The following RGS5 variants were observed in gnomAD, a reference collection of about 807,000 sequenced individuals.
The protein encoded by RGS5 is regulator of G-protein signalling 5.
A neutral mutation model predicts 18.9 loss-of-function variants in RGS5; 20 were observed. The ratio of observed to expected loss-of-function variants is 1.06; its 90% confidence interval spans 0.74 to 1.54. The LOEUF (loss-of-function observed/expected upper bound fraction) is 1.54, where lower values mean the gene tolerates loss of function less well. Ranked by LOEUF, RGS5 falls within the 40% of genes most tolerant of loss-of-function variation. The pLI, the probability that RGS5 is intolerant of heterozygous loss-of-function variation, is 0.00. For synonymous variants in RGS5, 57 were observed against 76.2 expected (o/e 0.75, Z 1.31); for missense variants, 201 against 211.8 (o/e 0.95, Z 0.32).
chr1:163,186,501 C>G (rs1659085680), intron 1 of RGS5, among the ~76,000 whole-genome samples: 1 of 147,804 alleles, frequency 6.8e-6, no homozygotes, highest in Non-Finnish European at 1.5e-5. Flanking sequence ...ATGGCGTGAA[C>G]CTGGGAGGCA....
intron 1 of RGS5, among the ~76,000 whole-genome samples, chr1:163,320,118 C>G (rs1409525250): frequency 6.6e-6 from 1 of 151,940 alleles, no homozygotes; most frequent in African/African-American, 2.4e-5. Context: ...CTTCCTTTGC[C>G]TCATTTTTCT....
At chr1:163,320,222 C>T (rs1650151538) in intron 1 of RGS5, among the ~76,000 whole-genome samples, 1 of 152,144 alleles carries the variant, frequency 6.6e-6, no homozygotes, top group African/African-American at 2.4e-5. Flanking sequence ...TTGTTGAGCA[C>T]TTGCCACTTG....
intron 2 of RGS5, among the ~76,000 whole-genome samples, chr1:163,288,857 C>T (rs1423301795): frequency 2.6e-5 from 4 of 152,084 alleles, no homozygotes; most frequent in Non-Finnish European, 4.4e-5. Flanking sequence ...TATTTTGCTC[C>T]AATACTTAGG....
At chr1:163,192,329 T>C (rs748278795) in intron 1 of RGS5, among the ~76,000 whole-genome samples, 3 of 152,080 alleles carry the variant, frequency 2.0e-5, no homozygotes, top group Non-Finnish European at 4.4e-5. Context: ...AATTGAATTG[T>C]AGAACACACC....
chr1:163,276,549 T>C (rs1648861313), intron 2 of RGS5, among the ~76,000 whole-genome samples: 1 of 152,204 alleles, frequency 6.6e-6, no homozygotes, highest in Admixed American at 6.5e-5. Context: ...TAAAGATAAG[T>C]CAATTTTGTA....
intron 2 of RGS5, among the ~76,000 whole-genome samples, chr1:163,260,902 T>A (rs933855454): frequency 6.6e-6 from 1 of 152,224 alleles, no homozygotes; most frequent in Non-Finnish European, 1.5e-5. Context: ...TCTACAAGTA[T>A]CTGTTTAAAT....
At chr1:163,152,393 T>C in intron 4 of RGS5, 157 bp downstream of exon 4, 2 of 670,726 alleles carry the variant, frequency 3.0e-6, no homozygotes, top group Non-Finnish European at 2.4e-6. Flanking sequence ...CTTGACCATG[T>C]TGCTCTGCCT....
At chr1:163,172,495 C>A in intron 1 of RGS5, 4 of 1,519,296 alleles carry the variant, frequency 2.6e-6, no homozygotes, top group Non-Finnish European at 2.7e-6. Flanking sequence ...TAGAAATCAA[C>A]TATCATTTAT....
intron 1 of RGS5, among the ~76,000 whole-genome samples, chr1:163,179,233 C>T (rs1658700505): frequency 2.0e-5 from 3 of 152,196 alleles, no homozygotes; most frequent in Admixed American, 6.5e-5. Flanking sequence ...AGGCAAACTG[C>T]CCCGATTCAT....
intron 1 of RGS5, among the ~76,000 whole-genome samples, chr1:163,215,376 T>A (rs756061454): frequency 2.2e-4 from 33 of 152,196 alleles, no homozygotes; most frequent in Non-Finnish European, 4.4e-4. Context: ...ACTTCATCTA[T>A]AAGATATAGT....
chr1:163,303,518 A>G (rs906130021), intron 2 of RGS5, among the ~76,000 whole-genome samples: 2 of 152,248 alleles, frequency 1.3e-5, no homozygotes, highest in Non-Finnish European at 2.9e-5. Context: ...TTAAAAATAC[A>G]AAGTAGAATC....
intron 2 of RGS5, among the ~76,000 whole-genome samples, chr1:163,167,963 G>A (rs954997179): frequency 2.0e-5 from 3 of 152,100 alleles, no homozygotes; most frequent in Admixed American, 1.3e-4. Context: ...GTAGTGGCTG[G>A]TATCATTTTA....
intron 2 of RGS5, among the ~76,000 whole-genome samples, chr1:163,251,795 C>T (rs1057057721): frequency 4.6e-5 from 7 of 152,140 alleles, no homozygotes; most frequent in Non-Finnish European, 8.8e-5. Flanking sequence ...GATTGACTTA[C>T]TTTCACTCAG....
chr1:163,276,475 G>A lies in RGS5; in HGVS notation c.-281+29758C>T, dbSNP rs141348216. On this transcript the variant is annotated intron_variant, in intron 2 of 5. Transcript: ENST00000618415. ...TTTTTTCATAACGATGCTTACGTTC[G>A]TATATCTAATTGCTATAAGTCTGTA... 5.2e-3 allele frequency among the ~76,000 whole-genome samples: 792 copies of A among 152,182 alleles called. 10 individuals carry two copies. Among genetic ancestry groups the A allele is most frequent in the African/African-American group, 0.018 (731 of 41,510 alleles).
intron 2 of RGS5, among the ~76,000 whole-genome samples, chr1:163,240,285 AAAAAG>A (rs1647754080): frequency 6.6e-6 from 1 of 152,190 alleles, no homozygotes; most frequent in Non-Finnish European, 1.5e-5. Flanking sequence ...AGCAGTTAAA[AAAAAG>A]AATAGACTAA....
chr1:163,291,109 A>G (rs1264226509), intron 2 of RGS5, among the ~76,000 whole-genome samples: 1 of 149,840 alleles, frequency 6.7e-6, no homozygotes, highest in African/African-American at 2.4e-5. Context: ...CCATTCTAAG[A>G]AAGATACATA....
rs548494114 is a variant in RGS5 at position 163,148,991 on chromosome 1, T to G, written c.385-1488A>C. Among the ~76,000 whole-genome samples, 52 of 152,230 alleles carry G rather than the reference T, an allele frequency of 3.4e-4. 1 individual carries two copies. In the South Asian group the frequency reaches 4.1e-3, roughly 12 times the overall value. On this transcript the variant is annotated intron_variant, in intron 4 of 4. Coordinates refer to ENST00000313961, the MANE Select transcript of RGS5 (RefSeq NM_003617.4). The stretch of plus-strand genomic sequence containing the variant: ...AGAGAATTATGAAGCAGCTATTAGT[T>G]AGAGTTGGAGACAAAATGCATGATT...
rs1649071370 is a variant in RGS5, at chr1:163,284,081, A to G, written c.-281+22152T>C. Among the ~76,000 whole-genome samples the G allele has an allele frequency of 1.3e-5, 2 of 152,336 alleles. 1 individual carries two copies. The highest frequency in any genetic ancestry group is 4.1e-4 in the South Asian group (2 of 4,830). On this transcript the variant is annotated intron_variant, in intron 2 of 5. Transcript: ENST00000618415. ...TAAAAAATTAACACAGCATTCCGCA[A>G]TGGGCTTAAAAAATGTCACGATGTA...
intron 2 of RGS5, among the ~76,000 whole-genome samples, chr1:163,223,995 G>A (rs1199361849): frequency 6.6e-6 from 1 of 152,130 alleles, no homozygotes; most frequent in Admixed American, 6.5e-5. Flanking sequence ...TGTATATGTT[G>A]TGTAATGATC....
Sources: allele counts gnomAD v4.1 joint callset (sites outside exome capture counted in the v4.1 genomes callset), GRCh38; gene constraint gnomAD v4.1.1; transcripts MANE v1.5; gene names NCBI Gene and HGNC (gene_info 2026-07-23, HGNC 2026-07-21).